FGF12: variants seen among roughly 807,000 people sequenced by gnomAD.
The protein encoded by FGF12 is fibroblast growth factor 12B.
Under a neutral mutation model 23.6 loss-of-function variants are expected in FGF12, and 14 were observed. The ratio of observed to expected loss-of-function variants is 0.59; its 90% CI spans 0.39 to 0.93. The LOEUF (loss-of-function observed/expected upper bound fraction) is 0.93. Among genes scored for constraint, FGF12 ranks in the 40% least tolerant of loss-of-function variants. The pLI, the probability that FGF12 is intolerant of heterozygous loss-of-function variation, is 0.00. For synonymous variants in FGF12, 62 were observed against 77.3 expected, an observed-to-expected ratio of 0.80 and a Z score of 1.04; for missense variants, 175 against 217.8, an observed-to-expected ratio of 0.80 and a Z score of 1.24.
In FGF12 at chr3:192,699,037, T is replaced by C. The variant is rs1297123101; in HGVS notation, c.13+28144A>G. Among the ~76,000 whole-genome samples, 3 of 152,184 alleles carry C rather than the reference T, an allele frequency of 2.0e-5. No individual in the cohort carries two copies. The East Asian group carries it at 5.8e-4, about 29-fold the overall frequency. On this transcript the variant is annotated intron_variant, in intron 2 of 5. Transcript: ENST00000445105. ...TCTTCCCTCTTTCTGTATAAAGATA[T>C]GGGTGATAACTTTGTCTTAGCCACT... is the stretch of plus-strand genomic sequence containing the variant.
At chr3:192,575,864 A>G (rs2108609534) in intron 2 of FGF12, among the ~76,000 whole-genome samples, 1 of 152,304 alleles carries the variant, frequency 6.6e-6, no homozygotes, top group Non-Finnish European at 1.5e-5. Context: ...AATAGTTAAT[A>G]CATTGTAATT....
intron 2 of FGF12, among the ~76,000 whole-genome samples, chr3:192,623,402 C>T (rs1715046757): frequency 6.9e-6 from 1 of 145,826 alleles, no homozygotes; most frequent in Non-Finnish European, 1.5e-5. Flanking sequence ...ATCTGAATGC[C>T]AGTGTAAACT....
Position 192,445,633 on chromosome 3 carries a change from G to A in FGF12, c.14-85095C>T, listed in dbSNP as rs73889334. Reference sequence around the variant, plus strand: ...ATATCTTCACCTAGAAATTCTGAAAGGTGGGGGTCTCTCACGCTTCTCTTT... The same window carrying A: ...ATATCTTCACCTAGAAATTCTGAAAAGTGGGGGTCTCTCACGCTTCTCTTT... On this transcript the variant is annotated intron_variant, in intron 2 of 5. Transcript: ENST00000445105. 5.4e-3 allele frequency among the ~76,000 whole-genome samples: 815 copies of A among 152,240 alleles called. 9 individuals carry two copies. The highest frequency in any genetic ancestry group is 0.018 in the African/African-American group (767 of 41,536).
chr3:192,686,269 T>G (rs930384990), intron 2 of FGF12, among the ~76,000 whole-genome samples: 1 of 152,100 alleles, frequency 6.6e-6, no homozygotes, highest in African/African-American at 2.4e-5. Context: ...AGCCAACTCT[T>G]GCTCTGAACA....
chr3:192,509,251 A>G (rs2108838454), intron 2 of FGF12, among the ~76,000 whole-genome samples: 1 of 152,334 alleles, frequency 6.6e-6, no homozygotes, highest in South Asian at 2.1e-4. Flanking sequence ...TGCTGTGCTT[A>G]ACACAGAGTC....
chr3:192,224,290 ATACTTTC>A (rs1718619199), intron 4 of FGF12, among the ~76,000 whole-genome samples: 1 of 152,162 alleles, frequency 6.6e-6, no homozygotes, highest in South Asian at 2.1e-4. Context: ...ATTTATTTAA[ATACTTTC>A]TACTCCAGTC....
intron 2 of FGF12, among the ~76,000 whole-genome samples, chr3:192,547,491 A>G (rs957062883): frequency 2.0e-5 from 3 of 152,190 alleles, no homozygotes; most frequent in African/African-American, 7.2e-5. Context: ...TTATTTCAGG[A>G]AGGTTGTCTC....
intron 2 of FGF12, among the ~76,000 whole-genome samples, chr3:192,521,971 G>A (rs7613346): frequency 0.79 from 120,858 of 152,058 alleles, 49,724 homozygotes; most frequent in Non-Finnish European, 0.9. Flanking sequence ...GGCCGAGGCG[G>A]GCGGATCACG....
At chr3:192,578,831 G>A (rs1004980021) in intron 2 of FGF12, among the ~76,000 whole-genome samples, 2 of 152,080 alleles carry the variant, frequency 1.3e-5, no homozygotes, top group Non-Finnish European at 2.9e-5. Context: ...ATTGCAAAGC[G>A]AGTAGCTCAT....
chr3:192,579,130 T>C (rs1713031382), intron 2 of FGF12, among the ~76,000 whole-genome samples: 1 of 152,216 alleles, frequency 6.6e-6, no homozygotes, highest in Non-Finnish European at 1.5e-5. Context: ...ACAATGGTCT[T>C]TAAAATACAG....
chr3:192,491,398 GT>G (rs1474425885), intron 2 of FGF12, among the ~76,000 whole-genome samples: 1 of 152,096 alleles, frequency 6.6e-6, no homozygotes, highest in African/African-American at 2.4e-5. Context: ...AAAATCAGCT[GT>G]TTTGTGTGCT....
intron 2 of FGF12, among the ~76,000 whole-genome samples, chr3:192,616,597 T>C (rs1231739142): frequency 6.6e-6 from 1 of 151,898 alleles, no homozygotes; most frequent in Non-Finnish European, 1.5e-5. Context: ...ATAAATAAAC[T>C]GGTGAAAAAA....
chr3:192,390,002 C>T (rs181852273), intron 2 of FGF12, among the ~76,000 whole-genome samples: 2 of 152,328 alleles, frequency 1.3e-5, no homozygotes, highest in Non-Finnish European at 2.9e-5. Context: ...GACTCATAGT[C>T]GCTGACTTAG....
chr3:192,551,587 G>A (rs1711533070), intron 2 of FGF12, among the ~76,000 whole-genome samples: 1 of 152,210 alleles, frequency 6.6e-6, no homozygotes, highest in Non-Finnish European at 1.5e-5. Flanking sequence ...ATTCGGTCGA[G>A]ATGCTGGAAT....
At chr3:192,325,209 A>C (rs1451222586) in intron 4 of FGF12, among the ~76,000 whole-genome samples, 2 of 152,182 alleles carry the variant, frequency 1.3e-5, no homozygotes, top group Non-Finnish European at 2.9e-5. Context: ...AAAAATTTCC[A>C]GTTCATTTAA....
intron 2 of FGF12, among the ~76,000 whole-genome samples, chr3:192,390,006 GACTTAGTTC>G (rs1433816356): frequency 6.6e-6 from 1 of 152,224 alleles, no homozygotes; most frequent in Non-Finnish European, 1.5e-5. Context: ...CATAGTCGCT[GACTTAGTTC>G]ACTTAGTTTA....
In FGF12 at chr3:192,278,358, A is replaced by C. The variant is rs550627963; in HGVS notation, c.228+57003T>G. ...TAGGGCTTGGTAATTTCTTCATCTA[A>C]AACCTAGAGAAAGGGCTTCAATAGG... On this transcript the variant is annotated intron_variant, in intron 4 of 5. Transcript: ENST00000445105. Among the ~76,000 whole-genome samples, 4 of 152,318 alleles carry C rather than the reference A, an allele frequency of 2.6e-5. No individual in the cohort carries two copies. The South Asian group carries it at 8.3e-4, about 32-fold the overall frequency.
chr3:192,706,312 T>G (rs1718467194), intron 2 of FGF12, among the ~76,000 whole-genome samples: 1 of 152,164 alleles, frequency 6.6e-6, no homozygotes, highest in African/African-American at 2.4e-5. Context: ...ATCACATGCT[T>G]TTATAAACTG....
intron 3 of FGF12, among the ~76,000 whole-genome samples, chr3:192,355,380 G>A (rs1020860681): frequency 5.9e-5 from 9 of 152,184 alleles, no homozygotes; most frequent in Non-Finnish European, 1.0e-4. Context: ...ATGGATGGAT[G>A]GATAGATATT....
Sources: allele counts gnomAD v4.1 joint callset (sites outside exome capture counted in the v4.1 genomes callset), GRCh38; gene constraint gnomAD v4.1.1; transcripts MANE v1.5; gene names NCBI Gene and HGNC (gene_info 2026-07-23, HGNC 2026-07-21).